TMEM156: variants seen among roughly 807,000 people sequenced by gnomAD.
TMEM156 encodes transmembrane protein 156.
In TMEM156, 28 loss-of-function variants were observed where a neutral mutation model predicts 30.5. That is an observed-to-expected ratio of 0.92 (90% CI 0.68 to 1.26). TMEM156 has a LOEUF of 1.26. Ranked by LOEUF, TMEM156 falls within the 50% of genes most tolerant of loss-of-function variation. TMEM156 has a pLI of 0.00. For synonymous variants in TMEM156, 137 were observed against 119.9 expected (o/e 1.14, Z -0.93); for missense variants, 351 against 340.6 (o/e 1.03, Z -0.24).
At chr4:39,021,054 A>G (rs1266771147) in intron 1 of TMEM156, among the ~76,000 whole-genome samples, 2 of 152,138 alleles carry the variant, frequency 1.3e-5, no homozygotes, top group Non-Finnish European at 2.9e-5. Context: ...TTCCCTGATG[A>G]TTAGCGATGT....
At chr4:39,027,408 A>G (rs1228043133) in intron 1 of TMEM156, among the ~76,000 whole-genome samples, 1 of 152,192 alleles carries the variant, frequency 6.6e-6, no homozygotes, top group Admixed American at 6.5e-5. Flanking sequence ...TGTTCATTAT[A>G]CCACCATTTC....
Position 38,971,254 on chromosome 4 carries a change from TG to T in TMEM156, c.824-118del. 4 of 913,362 alleles carry T rather than the reference TG, an allele frequency of 4.4e-6. No homozygotes were observed. In the East Asian group the frequency reaches 1.1e-4, roughly 24 times the overall value. The allele number at this position is 913,362 out of a possible 1,614,324, so 56.6% of individuals were successfully genotyped here. A position where few individuals can be genotyped will look rare whatever the true frequency, so the allele number is the denominator to read the frequency against. On this transcript the variant is annotated intron_variant, in intron 5 of 6. Coordinates refer to ENST00000381938, the MANE Select transcript of TMEM156 (RefSeq NM_024943.3). The stretch of plus-strand genomic sequence containing the variant: ...CATGCTCTACCTCTAGAAAGGATTT[TG>T]GGACTTTCTACCCTCACTAATTTTC...
chr4:39,010,747 T>C (rs924446066), intron 1 of TMEM156, among the ~76,000 whole-genome samples: 14 of 152,200 alleles, frequency 9.2e-5, no homozygotes, highest in Admixed American at 2.6e-4. Context: ...CCTTTCACTA[T>C]ATACAAAAAT....
chr4:39,013,786 A>T (rs1234433130), intron 1 of TMEM156, among the ~76,000 whole-genome samples: 1 of 152,218 alleles, frequency 6.6e-6, no homozygotes, highest in Non-Finnish European at 1.5e-5. Flanking sequence ...AAGAGGATAT[A>T]TCTGTAATGT....
At chr4:38,984,431 T>C (rs533673076) in intron 5 of TMEM156, among the ~76,000 whole-genome samples, 63 of 151,850 alleles carry the variant, frequency 4.1e-4, no homozygotes, top group Admixed American at 1.6e-3. Flanking sequence ...AGAGACATCC[T>C]GGAATGTGTG....
intron 1 of TMEM156, among the ~76,000 whole-genome samples, chr4:39,005,860 G>T (rs1367931035): frequency 2.0e-5 from 3 of 152,106 alleles, no homozygotes; most frequent in African/African-American, 7.2e-5. Flanking sequence ...TACAAAAATG[G>T]TTTGTATCAA....
At chr4:39,005,461 A>G (rs528861984) in intron 1 of TMEM156, among the ~76,000 whole-genome samples, 2 of 152,268 alleles carry the variant, frequency 1.3e-5, no homozygotes, top group African/African-American at 2.4e-5. Flanking sequence ...ACCTTCCACC[A>G]TGACTGTAAG....
intron 1 of TMEM156, among the ~76,000 whole-genome samples, chr4:39,003,495 C>T (rs1039874383): frequency 1.3e-5 from 2 of 151,974 alleles, no homozygotes; most frequent in Non-Finnish European, 2.9e-5. Flanking sequence ...CCACCACGCC[C>T]GGCTGATTTT....
At chr4:39,032,151 C>T in intron 1 of TMEM156, 75 bp downstream of exon 1, 2 of 915,066 alleles carry the variant, frequency 2.2e-6, no homozygotes, top group South Asian at 1.5e-5. Flanking sequence ...AAAAGAGGAT[C>T]TTTTCTGTAA....
intron 5 of TMEM156, among the ~76,000 whole-genome samples, chr4:38,973,175 T>G (rs1308178854): frequency 6.6e-6 from 1 of 152,254 alleles, no homozygotes; most frequent in Non-Finnish European, 1.5e-5. Flanking sequence ...AGTACCTTGA[T>G]GGAATGAATA....
At chr4:38,989,313 C>A (rs1372610321) in intron 3 of TMEM156, among the ~76,000 whole-genome samples, 3 of 152,180 alleles carry the variant, frequency 2.0e-5, no homozygotes, top group African/African-American at 4.8e-5. Context: ...GAACCACTTA[C>A]AATTCATAAT....
intron 1 of TMEM156, among the ~76,000 whole-genome samples, chr4:39,031,256 T>G (rs1398060767): frequency 1.3e-5 from 2 of 152,234 alleles, no homozygotes; most frequent in Non-Finnish European, 2.9e-5. Flanking sequence ...ATTAATAAAT[T>G]TTCAAGTCCT....
At chr4:39,020,743 C>T (rs577200930) in intron 1 of TMEM156, among the ~76,000 whole-genome samples, 2 of 151,964 alleles carry the variant, frequency 1.3e-5, no homozygotes, top group African/African-American at 2.4e-5. Flanking sequence ...AGAGATGGGG[C>T]TTCACCATGT....
chr4:38,984,395 T>C (rs1246774357), intron 5 of TMEM156, among the ~76,000 whole-genome samples: 1 of 150,070 alleles, frequency 6.7e-6, no homozygotes, highest in Non-Finnish European at 1.5e-5. Context: ...TGAACAATAC[T>C]CACTTTTAAA....
At chr4:39,010,459 T>A (rs1337767900) in intron 1 of TMEM156, among the ~76,000 whole-genome samples, 1 of 152,044 alleles carries the variant, frequency 6.6e-6, no homozygotes, top group Non-Finnish European at 1.5e-5. Flanking sequence ...GCCAAAGCAA[T>A]CCTAAGCAAA....
At chr4:38,989,527 G>T (rs558637681) in intron 3 of TMEM156, among the ~76,000 whole-genome samples, 9 of 152,360 alleles carry the variant, frequency 5.9e-5, no homozygotes, top group African/African-American at 2.2e-4. Flanking sequence ...CCAATGATCA[G>T]ATCAAGTGCA....
intron 1 of TMEM156, among the ~76,000 whole-genome samples, chr4:39,020,830 G>A (rs763441598): frequency 2.0e-5 from 3 of 152,122 alleles, no homozygotes; most frequent in Non-Finnish European, 4.4e-5. Context: ...TTTCAGGTGT[G>A]AGCCACCGCA....
At chr4:38,978,919 T>C (rs1180641117) in intron 5 of TMEM156, among the ~76,000 whole-genome samples, 2 of 152,080 alleles carry the variant, frequency 1.3e-5, no homozygotes, top group Admixed American at 1.3e-4. Context: ...AAATGTTGGA[T>C]TACAGGTGTG....
intron 1 of TMEM156, among the ~76,000 whole-genome samples, chr4:39,017,758 CCTT>C (rs1191435665): frequency 6.6e-6 from 1 of 152,106 alleles, no homozygotes; most frequent in Non-Finnish European, 1.5e-5. Flanking sequence ...TATATCCTGA[CCTT>C]CTTTATTGCT....
Sources: allele counts gnomAD v4.1 joint callset (sites outside exome capture counted in the v4.1 genomes callset), GRCh38; gene constraint gnomAD v4.1.1; transcripts MANE v1.5; gene names NCBI Gene and HGNC (gene_info 2026-07-23, HGNC 2026-07-21).